The following SLC6A15 variants were observed in gnomAD, a reference collection of about 807,000 sequenced individuals.
The protein encoded by SLC6A15 is solute carrier family 6 member 15, also known as sodium-dependent neutral amino acid transporter B(0)AT2.
Under a neutral mutation model 68.5 loss-of-function variants are expected in SLC6A15, and 33 were observed. The ratio of observed to expected loss-of-function variants is 0.48; its 90% CI spans 0.37 to 0.64. SLC6A15 has a LOEUF of 0.64. Among genes scored for constraint, SLC6A15 ranks in the 30% least tolerant of loss-of-function variants. SLC6A15 has a pLI of 0.00. For synonymous variants in SLC6A15, 347 were observed against 301.0 expected, an observed-to-expected ratio of 1.15 and a Z score of -1.58; for missense variants, 747 against 874.3, an observed-to-expected ratio of 0.85 and a Z score of 1.84.
chr12:84,902,571 T>C (rs943889925), intron 1 of SLC6A15, among the ~76,000 whole-genome samples: 3 of 151,912 alleles, frequency 2.0e-5, no homozygotes, highest in Non-Finnish European at 2.9e-5. Flanking sequence ...GCTTTACTTA[T>C]AATAGAAAAA....
In SLC6A15 at chr12:84,859,738, T is replaced by A. The variant is rs1870767306; in HGVS notation, c.*1894A>T. On this transcript the variant is annotated 3_prime_UTR_variant, in exon 12 of 12. Coordinates refer to ENST00000266682, the MANE Select transcript of SLC6A15 (RefSeq NM_182767.6). ...CAAAAATAAACAAAATTTTTATTAG[T>A]TCAGCCTCTGAAATAAGGAAGCACA... 1 of 152,070 alleles carries A rather than the reference T, an allele frequency of 6.6e-6. No homozygotes were observed. The highest frequency in any genetic ancestry group is 1.5e-5 in the Non-Finnish European group (1 of 67,946). 9.4% of individuals were successfully genotyped at this position (152,070 alleles called of 1,614,324 possible). A position where few individuals can be genotyped will look rare whatever the true frequency, so the allele number is the denominator to read the frequency against.
chr12:84,905,315 T>TC lies in SLC6A15; in HGVS notation c.-189+7207_-189+7208insG, dbSNP rs1402979328. On this transcript the variant is annotated intron_variant, in intron 1 of 11. Coordinates refer to ENST00000266682, the MANE Select transcript of SLC6A15 (RefSeq NM_182767.6). ...ATGACAGGCTAAAGGAAAAATCACA[T>TC]GACTATATCTACTGATGCAGGAAAG... Among the ~76,000 whole-genome samples the TC allele has an allele frequency of 5.3e-5, 8 of 152,266 alleles. No homozygotes were observed. The East Asian group carries it at 1.4e-3, about 26-fold the overall frequency.
chr12:84,881,550 C>T, intron 5 of SLC6A15: 1 of 985,346 alleles, frequency 1.0e-6, no homozygotes, highest in Non-Finnish European at 1.2e-6. Flanking sequence ...AGGACAATGT[C>T]CCTATCATAC....
At chr12:84,864,070 GTAAA>G (rs1286172577) in intron 10 of SLC6A15, among the ~76,000 whole-genome samples, 3 of 150,084 alleles carry the variant, frequency 2.0e-5, no homozygotes, top group African/African-American at 7.3e-5. Context: ...TTACTTATTA[GTAAA>G]TAATTTTACT....
intron 1 of SLC6A15, among the ~76,000 whole-genome samples, chr12:84,894,674 A>G (rs528153429): frequency 6.6e-6 from 1 of 152,248 alleles, no homozygotes; most frequent in African/African-American, 2.4e-5. Context: ...ATCAAAATAA[A>G]AGGTAATACC....
Position 84,895,339 on chromosome 12 carries a change from A to ATTTTTT in SLC6A15, c.-188-3037_-188-3032dup, listed in dbSNP as rs67339994. ...CTTAGATGTTTTCATTTTTGTTTGT[A>ATTTTTT]TTTTTTTTTTTTTTTTTTTTTTTTT... On this transcript the variant is annotated intron_variant, in intron 1 of 11. Transcript: ENST00000266682. 7.2e-3 allele frequency among the ~76,000 whole-genome samples: 396 copies of ATTTTTT among 54,782 alleles called. 42 individuals carry two copies. Among genetic ancestry groups the ATTTTTT allele is most frequent in the Middle Eastern group, 0.04 (2 of 50 alleles). The allele number at this position is 54,782 out of a possible 152,430, so 35.9% of individuals were successfully genotyped here.
Position 84,861,475 on chromosome 12 carries a change from G to T in SLC6A15, c.*157C>A. ...TGTAAACCAAAGAATCCAAAAGAAT[G>T]CTCAAGTTGAACTGACATATACTGT... On this transcript the variant is annotated 3_prime_UTR_variant, in exon 12 of 12. Transcript: ENST00000266682. 1 of 750,146 alleles carries T rather than the reference G, an allele frequency of 1.3e-6. No individual in the cohort carries two copies. The highest frequency in any genetic ancestry group is 2.0e-6 in the Non-Finnish European group (1 of 489,784). 46.5% of individuals were successfully genotyped at this position (750,146 alleles called of 1,614,324 possible).
chr12:84,862,885 G>A (rs910462559), intron 11 of SLC6A15, among the ~76,000 whole-genome samples: 2 of 152,020 alleles, frequency 1.3e-5, no homozygotes, highest in Admixed American at 1.3e-4. Context: ...CAACTCCTAG[G>A]CTCAAGCTAT....
In SLC6A15 at chr12:84,864,320, CT is replaced by C. The variant is rs551232166; in HGVS notation, c.1656-720del. Among the ~76,000 whole-genome samples, 1,274 of 131,728 alleles carry C rather than the reference CT, an allele frequency of 9.7e-3. 5 individuals are homozygous for C. The highest frequency in any genetic ancestry group is 0.029 in the African/African-American group (1,049 of 35,782). 86.4% of individuals were successfully genotyped at this position (131,728 alleles called of 152,430 possible). ...TGTCTCTTGAGTCCATTCTTTCTTT[CT>C]TTTTTTTTTTTTTTTTTGAGACAGA... On this transcript the variant is annotated intron_variant, in intron 10 of 11. Transcript: ENST00000266682.
intron 2 of SLC6A15, among the ~76,000 whole-genome samples, chr12:84,891,028 T>C (rs760231934): frequency 1.3e-5 from 2 of 152,156 alleles, no homozygotes; most frequent in Non-Finnish European, 2.9e-5. Context: ...AGTTTGGTTT[T>C]GGTGTACTAT....
At chr12:84,876,811 A>G (rs1168224896) in intron 5 of SLC6A15, among the ~76,000 whole-genome samples, 2 of 152,184 alleles carry the variant, frequency 1.3e-5, no homozygotes, top group Non-Finnish European at 2.9e-5. Context: ...TACAATTTAC[A>G]TTTAAAACAC....
chr12:84,880,756 T>C (rs969461133), intron 5 of SLC6A15: 6 of 331,742 alleles, frequency 1.8e-5, no homozygotes, highest in African/African-American at 1.3e-4. Flanking sequence ...AGCAAGTACG[T>C]TAGTAAGAGA....
rs1243635853 is a variant in SLC6A15, at chr12:84,872,708, G to A, written c.1196C>T (p.Thr399Ile). Residue 399 changes from threonine (T) to isoleucine (I), a missense_variant, in exon 8 of 12, where the codon ACT becomes ATT. Physicochemically the swap from Thr to Ile is moderately conservative, Grantham distance 89. Coordinates refer to ENST00000266682, the MANE Select transcript of SLC6A15 (RefSeq NM_182767.6). ...IPHHINLSTVTAEDYHLVYDI... is the reference protein window; with the variant it reads ...IPHHINLSTVIAEDYHLVYDI... Reference sequence around the variant, plus strand: ...ATAAACTAAATGATAATCTTCTGCAGTAACAGTTGAAAGGTTGATATGATG... The same window carrying A: ...ATAAACTAAATGATAATCTTCTGCAATAACAGTTGAAAGGTTGATATGATG... The A allele has an allele frequency of 1.9e-6, 3 of 1,612,864 alleles. No homozygotes were observed. In the African/African-American group the frequency reaches 4.0e-5, roughly 22 times the overall value.
Position 84,870,707 on chromosome 12 carries a change from T to C in SLC6A15, c.1303-37A>G, listed in dbSNP as rs759778288. 10 of 1,347,658 alleles carry C rather than the reference T, an allele frequency of 7.4e-6. No individual in the cohort carries two copies. The Admixed American group carries it at 1.9e-4, about 25-fold the overall frequency. 83.5% of individuals were successfully genotyped at this position (1,347,658 alleles called of 1,614,324 possible). ...ACAAAATAGCAACATTAGTACAGAG[T>C]AATTATTAAACAATGGCTCTATATG... On this transcript the variant is annotated intron_variant, in intron 8 of 11. Transcript: ENST00000266682.
Position 84,896,262 on chromosome 12 carries a change from G to T in SLC6A15, c.-188-3954C>A, listed in dbSNP as rs80076176. ...GGAGTCAACAAAATATTGCTCATGGGCCAAATACAACCCACCATCTGTATT... is the reference window on the plus strand; with the variant it reads ...GGAGTCAACAAAATATTGCTCATGGTCCAAATACAACCCACCATCTGTATT... On this transcript the variant is annotated intron_variant, in intron 1 of 11. Coordinates refer to ENST00000266682, the MANE Select transcript of SLC6A15 (RefSeq NM_182767.6). 2.0e-5 allele frequency among the ~76,000 whole-genome samples: 3 copies of T among 151,936 alleles called. No homozygotes were observed. In the South Asian group the frequency reaches 6.2e-4, roughly 31 times the overall value.
intron 2 of SLC6A15, among the ~76,000 whole-genome samples, chr12:84,887,152 T>G (rs1425300167): frequency 6.6e-6 from 1 of 152,234 alleles, no homozygotes; most frequent in Non-Finnish European, 1.5e-5. Flanking sequence ...TTTTTTAATC[T>G]GCAGTTTTGT....
Position 84,889,866 on chromosome 12 carries a change from A to G in SLC6A15, c.289+1966T>C, listed in dbSNP as rs113143761. 3.8e-3 allele frequency among the ~76,000 whole-genome samples: 573 copies of G among 152,314 alleles called. 1 individual carries two copies. The highest frequency in any genetic ancestry group is 0.01 in the Middle Eastern group (3 of 294). On this transcript the variant is annotated intron_variant, in intron 2 of 11. Coordinates refer to ENST00000266682, the MANE Select transcript of SLC6A15 (RefSeq NM_182767.6). ...TTCAAAACCTGATCTGGAAGTCTCTATACTATACCACCTACTTCGCCTAAC... is the reference window on the plus strand; with the variant it reads ...TTCAAAACCTGATCTGGAAGTCTCTGTACTATACCACCTACTTCGCCTAAC...
chr12:84,901,006 A>C (rs188732317), intron 1 of SLC6A15, among the ~76,000 whole-genome samples: 74 of 129,842 alleles, frequency 5.7e-4, no homozygotes, highest in African/African-American at 1.9e-3. Context: ...ATATGTATAT[A>C]TATACATACA....
At chr12:84,895,510 G>A (rs762736275) in intron 1 of SLC6A15, among the ~76,000 whole-genome samples, 6 of 151,320 alleles carry the variant, frequency 4.0e-5, no homozygotes, top group South Asian at 2.1e-4. Context: ...CCCCATGCCC[G>A]GCTAATTTTT....
Sources: allele counts gnomAD v4.1 joint callset (sites outside exome capture counted in the v4.1 genomes callset), GRCh38; gene constraint gnomAD v4.1.1; transcripts MANE v1.5; gene names NCBI Gene and HGNC (gene_info 2026-07-23, HGNC 2026-07-21).